FHIT: variants seen among roughly 807,000 people sequenced by gnomAD.
FHIT encodes fragile histidine triad diadenosine triphosphatase.
FHIT carries 19 observed loss-of-function variants against 17.9 expected under a neutral mutation model. The observed-to-expected ratio is 1.06, with a 90% CI of 0.74 to 1.56. FHIT has a LOEUF of 1.56. Ranked by LOEUF, FHIT falls within the 40% of genes most tolerant of loss-of-function variation. The probability of loss-of-function intolerance (pLI) is 0.00; values close to 1 mark genes in which losing one functional copy is unlikely to be tolerated. For synonymous variants in FHIT, 81 were observed against 69.7 expected (o/e 1.16, Z -0.81); for missense variants, 248 against 189.2 (o/e 1.31, Z -1.82).
At chr3:61,076,871 C>G (rs1053317829) in intron 2 of FHIT, among the ~76,000 whole-genome samples, 1 of 152,130 alleles carries the variant, frequency 6.6e-6, no homozygotes, top group Non-Finnish European at 1.5e-5. Context: ...AAATATTCAT[C>G]CTGTTTCTTT....
chr3:60,481,340 C>T (rs2033600695), intron 5 of FHIT, among the ~76,000 whole-genome samples: 1 of 152,058 alleles, frequency 6.6e-6, no homozygotes. Context: ...CTAAGATACT[C>T]CAGAAGAAGA....
rs7646798 is a variant in FHIT, at chr3:61,211,786, C to G, written c.-212-11121G>C. 8.3e-3 allele frequency among the ~76,000 whole-genome samples: 1,257 copies of G among 152,306 alleles called. 15 individuals are homozygous for G. The highest frequency in any genetic ancestry group is 0.028 in the African/African-American group (1,163 of 41,560). ...AGGGGCTGACTGACACCTCACACGG[C>G]CGGGTACTCCTCTGAGACAAAACTT... On this transcript the variant is annotated intron_variant, in intron 1 of 9. Transcript: ENST00000492590.
intron 5 of FHIT, among the ~76,000 whole-genome samples, chr3:60,304,962 C>T (rs78924968): frequency 0.012 from 1,854 of 152,192 alleles, 37 homozygotes; most frequent in African/African-American, 0.041. Context: ...TTCCTACTAC[C>T]CAGTCTGTGG....
At chr3:60,245,650 C>A (rs1268134133) in intron 5 of FHIT, among the ~76,000 whole-genome samples, 1 of 151,996 alleles carries the variant, frequency 6.6e-6, no homozygotes, top group Non-Finnish European at 1.5e-5. Flanking sequence ...GATAATCAAG[C>A]AATATATATG....
intron 3 of FHIT, among the ~76,000 whole-genome samples, chr3:60,975,566 G>A (rs1384444944): frequency 7.9e-5 from 12 of 152,166 alleles, no homozygotes; most frequent in Admixed American, 7.9e-4. Context: ...ACAATGACAA[G>A]CTTGTTGGTT....
chr3:60,788,331 A>G (rs1700655017), intron 4 of FHIT, among the ~76,000 whole-genome samples: 2 of 152,044 alleles, frequency 1.3e-5, no homozygotes, highest in Admixed American at 1.3e-4. Context: ...GCTCTCAGGA[A>G]CTCAACCCTG....
chr3:61,047,909 A>T (rs1575911693), intron 2 of FHIT, among the ~76,000 whole-genome samples: 1 of 143,054 alleles, frequency 7.0e-6, no homozygotes, highest in East Asian at 2.1e-4. Flanking sequence ...TGCTGGGAAA[A>T]CTGGCTAGCC....
chr3:60,224,664 G>C (rs1704109018), intron 5 of FHIT, among the ~76,000 whole-genome samples: 1 of 152,032 alleles, frequency 6.6e-6, no homozygotes, highest in South Asian at 2.1e-4. Context: ...CATGAGGGCA[G>C]GGATGTGCCT....
chr3:60,986,875 A>G (rs1710742053), intron 3 of FHIT, among the ~76,000 whole-genome samples: 1 of 151,976 alleles, frequency 6.6e-6, no homozygotes, highest in Non-Finnish European at 1.5e-5. Context: ...TGTCCATTTA[A>G]AAAATATCTC....
chr3:60,504,552 T>C (rs1039737645), intron 5 of FHIT, among the ~76,000 whole-genome samples: 4 of 152,164 alleles, frequency 2.6e-5, no homozygotes, highest in Admixed American at 1.3e-4. Flanking sequence ...TTGTATAACA[T>C]AGTAAAACGT....
intron 5 of FHIT, among the ~76,000 whole-genome samples, chr3:60,155,080 G>A (rs907183984): frequency 7.3e-5 from 11 of 151,634 alleles, no homozygotes; most frequent in Non-Finnish European, 1.6e-4. Context: ...TCAGCTACTC[G>A]GGAGACTGAG....
intron 3 of FHIT, among the ~76,000 whole-genome samples, chr3:60,962,922 A>G (rs1709534127): frequency 6.6e-6 from 1 of 152,216 alleles, no homozygotes; most frequent in South Asian, 2.1e-4. Context: ...AGGCTTTGAT[A>G]TCAGGACAAT....
chr3:60,555,929 T>C (rs983434250), intron 4 of FHIT, among the ~76,000 whole-genome samples: 1 of 152,242 alleles, frequency 6.6e-6, no homozygotes, highest in Non-Finnish European at 1.5e-5. Context: ...TTTGGTCTTA[T>C]GATTCACACT....
chr3:60,129,054 T>TTG (rs1491154078), intron 5 of FHIT, among the ~76,000 whole-genome samples: 15 of 99,748 alleles, frequency 1.5e-4, no homozygotes, highest in East Asian at 2.5e-4. Context: ...TTTTTGTTTG[T>TTG]TTTTTTTTTT....
chr3:60,839,793 A>G (rs1385924794), intron 3 of FHIT, among the ~76,000 whole-genome samples: 4 of 152,180 alleles, frequency 2.6e-5, no homozygotes, highest in African/African-American at 4.8e-5. Context: ...ATGAAATGGA[A>G]TAGATTTCTG....
chr3:60,806,200 G>A (rs1553734102), intron 4 of FHIT, among the ~76,000 whole-genome samples: 1 of 152,076 alleles, frequency 6.6e-6, no homozygotes, highest in African/African-American at 2.4e-5. Context: ...TTCAGTTGGG[G>A]GGCTCAGTTG....
chr3:59,964,912 C>T (rs995032804), intron 7 of FHIT, among the ~76,000 whole-genome samples: 2 of 151,982 alleles, frequency 1.3e-5, no homozygotes, highest in African/African-American at 4.8e-5. Flanking sequence ...ATCCATCGGG[C>T]CATAAATTTG....
At chr3:60,339,739 C>T (rs1373384456) in intron 5 of FHIT, among the ~76,000 whole-genome samples, 1 of 152,156 alleles carries the variant, frequency 6.6e-6, no homozygotes, top group African/African-American at 2.4e-5. Context: ...TGCTTCGGAA[C>T]AGATGTGTGC....
chr3:61,097,684 G>T (rs903282483), intron 2 of FHIT, among the ~76,000 whole-genome samples: 1 of 151,900 alleles, frequency 6.6e-6, no homozygotes, highest in Non-Finnish European at 1.5e-5. Context: ...GTTTTGATTT[G>T]CATTTCTCTA....
Sources: gnomAD v4.1 joint callset for allele counts (sites outside exome capture counted in the v4.1 genomes callset) on GRCh38, gnomAD v4.1.1 for gene constraint, MANE v1.5 for transcripts, NCBI Gene and HGNC (gene_info 2026-07-23, HGNC 2026-07-21) for gene names.